Variants in RGS6 observed in about 807,000 individuals in gnomAD.
RGS6 encodes the protein regulator of G-protein signaling 6.
A neutral mutation model predicts 78.5 loss-of-function variants in RGS6; 30 were observed. The ratio of observed to expected loss-of-function variants is 0.38; its 90% CI spans 0.29 to 0.52. RGS6 has a LOEUF of 0.52. RGS6 is among the 20% of genes least tolerant of loss of function. The probability of loss-of-function intolerance (pLI) is 0.85; values close to 1 mark genes in which losing one functional copy is unlikely to be tolerated. For missense variants in RGS6, 495 were observed against 609.7 expected, an observed-to-expected ratio of 0.81 and a Z score of 1.98; for synonymous variants, 206 against 206.0, an observed-to-expected ratio of 1.00 and a Z score of 0.00.
the RGS6 span, among the ~76,000 whole-genome samples, chr14:72,627,069 A>C: frequency 6.6e-6 from 1 of 151,970 alleles, no homozygotes; most frequent in Non-Finnish European, 1.5e-5. Flanking sequence ...TTAGCCCTTA[A>C]ACTGTGGTAC....
At chr14:72,325,899 T>C (rs1036320928) in intron 2 of RGS6, among the ~76,000 whole-genome samples, 1 of 152,202 alleles carries the variant, frequency 6.6e-6, no homozygotes, top group African/African-American at 2.4e-5. Flanking sequence ...CACACATTGT[T>C]GGCAACACTG....
intron 3 of RGS6, among the ~76,000 whole-genome samples, chr14:72,387,488 G>A (rs768324499): frequency 6.6e-6 from 1 of 152,020 alleles, no homozygotes; most frequent in Admixed American, 6.6e-5. Flanking sequence ...GGCAGAGCTT[G>A]CAGTGAGCCG....
the RGS6 span, chr14:72,629,531 G>T: frequency 8.1e-7 from 1 of 1,227,772 alleles, no homozygotes; most frequent in Non-Finnish European, 1.1e-6. Context: ...GGCCCCAGGG[G>T]CCTAGTGACA....
At chr14:72,481,835 G>A (rs1160946785) in intron 12 of RGS6, among the ~76,000 whole-genome samples, 2 of 136,382 alleles carry the variant, frequency 1.5e-5, no homozygotes, top group Non-Finnish European at 3.1e-5. Flanking sequence ...TTGAGACGGA[G>A]TCTTGCTTTG....
chr14:72,580,409 G>A, the RGS6 span, among the ~76,000 whole-genome samples: 1 of 149,944 alleles, frequency 6.7e-6, no homozygotes. Flanking sequence ...TTCTTGCTCT[G>A]ACCTGTAGCC....
chr14:72,110,894 G>A (rs748132615), intron 2 of RGS6, among the ~76,000 whole-genome samples: 28 of 152,118 alleles, frequency 1.8e-4, no homozygotes, highest in Non-Finnish European at 3.8e-4. Context: ...GTCACACCTA[G>A]CAGCCTCTGA....
intron 2 of RGS6, among the ~76,000 whole-genome samples, chr14:72,239,659 T>G (rs2052228933): frequency 6.6e-6 from 1 of 152,156 alleles, no homozygotes; most frequent in Non-Finnish European, 1.5e-5. Context: ...ACAGAGTCTT[T>G]CCGGAAGCAG....
intron 2 of RGS6, among the ~76,000 whole-genome samples, chr14:72,155,654 A>G (rs1006807868): frequency 2.0e-5 from 3 of 152,216 alleles, no homozygotes; most frequent in Non-Finnish European, 4.4e-5. Flanking sequence ...TCTGATTACC[A>G]ATTATGATTC....
chr14:72,178,287 G>A (rs1478925355), intron 2 of RGS6, among the ~76,000 whole-genome samples: 1 of 152,232 alleles, frequency 6.6e-6, no homozygotes, highest in Admixed American at 6.5e-5. Context: ...ACTGGGTGGA[G>A]CCCACACTTG....
At chr14:72,368,687 C>A (rs909744402) in intron 3 of RGS6, among the ~76,000 whole-genome samples, 3 of 152,164 alleles carry the variant, frequency 2.0e-5, no homozygotes, top group Non-Finnish European at 4.4e-5. Context: ...ATTAGTAATT[C>A]CCTGAGAATT....
the RGS6 span, among the ~76,000 whole-genome samples, chr14:71,918,667 TTA>T: frequency 1.3e-5 from 2 of 152,200 alleles, no homozygotes; most frequent in African/African-American, 4.8e-5. Context: ...GCATAAATAT[TTA>T]TATGTGTATA....
chr14:72,111,896 G>T (rs1228834750), intron 2 of RGS6, among the ~76,000 whole-genome samples: 1 of 152,150 alleles, frequency 6.6e-6, no homozygotes, highest in Non-Finnish European at 1.5e-5. Flanking sequence ...AGTTAATCTG[G>T]GTCCAGGATG....
chr14:72,064,704 A>G (rs2094053674), intron 2 of RGS6, among the ~76,000 whole-genome samples: 1 of 152,362 alleles, frequency 6.6e-6, no homozygotes, highest in South Asian at 2.1e-4. Flanking sequence ...TAAAACTGGA[A>G]GATAAAGTCT....
chr14:72,093,053 T>C (rs1343791538), intron 2 of RGS6, among the ~76,000 whole-genome samples: 1 of 151,980 alleles, frequency 6.6e-6, no homozygotes, highest in Middle Eastern at 3.2e-3. Context: ...TGTGTGTGTG[T>C]GTGTGTGTAT....
chr14:72,143,411 T>G (rs910591347), intron 2 of RGS6, among the ~76,000 whole-genome samples: 1 of 152,102 alleles, frequency 6.6e-6, no homozygotes, highest in African/African-American at 2.4e-5. Flanking sequence ...CTAGCCCTAT[T>G]TATTTCACCC....
the RGS6 span, among the ~76,000 whole-genome samples, chr14:72,573,248 G>T: frequency 1.3e-5 from 2 of 152,200 alleles, no homozygotes; most frequent in Non-Finnish European, 2.9e-5. Flanking sequence ...CACCCACTTT[G>T]TGTCCAATAG....
At chr14:72,417,613 A>G (rs1330469656) in intron 3 of RGS6, among the ~76,000 whole-genome samples, 2 of 152,222 alleles carry the variant, frequency 1.3e-5, no homozygotes, top group African/African-American at 4.8e-5. Flanking sequence ...CTCCGCCACC[A>G]GCTCTGGGTT....
chr14:72,452,139 G>T (rs900820427), intron 3 of RGS6, among the ~76,000 whole-genome samples: 2 of 151,990 alleles, frequency 1.3e-5, no homozygotes, highest in Non-Finnish European at 1.5e-5. Flanking sequence ...TTTCTGCTTT[G>T]TTCTTCATTT....
At chr14:71,868,732 G>A in the RGS6 span, among the ~76,000 whole-genome samples, 2 of 152,174 alleles carry the variant, frequency 1.3e-5, no homozygotes, top group African/African-American at 4.8e-5. Context: ...TTTTCTCAAG[G>A]ACTCCAGTCA....
Sources: gnomAD v4.1 joint callset for allele counts (sites outside exome capture counted in the v4.1 genomes callset) on GRCh38, gnomAD v4.1.1 for gene constraint, MANE v1.5 for transcripts, NCBI Gene and HGNC (gene_info 2026-07-23, HGNC 2026-07-21) for gene names.